Variants in NHSL1 observed in about 807,000 individuals in gnomAD.
NHSL1 encodes the protein NHS like 1, also known as NHS-like protein 1.
NHSL1 carries 48 observed loss-of-function variants against 95.0 expected under a neutral mutation model. That is an observed-to-expected ratio of 0.51 (90% CI 0.40 to 0.64). NHSL1 has a LOEUF of 0.64. Ranked by LOEUF, NHSL1 falls within the 30% of genes least tolerant of loss-of-function variation. The probability of loss-of-function intolerance (pLI) is 0.00; values close to 1 mark genes in which losing one functional copy is unlikely to be tolerated. For missense variants in NHSL1, 1,971 were observed against 2,077.7 expected (o/e 0.95, Z 1.00); for synonymous variants, 783 against 833.9 (o/e 0.94, Z 1.05).
At chr6:138,489,911 G>A (rs1266697319) in intron 2 of NHSL1, among the ~76,000 whole-genome samples, 87 of 55,692 alleles carry the variant, frequency 1.6e-3, no homozygotes, top group African/African-American at 6.1e-3. Flanking sequence ...AGAGCGAGAG[G>A]GGGAGAGGGG....
chr6:138,657,954 ATATTTCT>A (rs1409525308), intron 1 of NHSL1, among the ~76,000 whole-genome samples: 1 of 151,694 alleles, frequency 6.6e-6, no homozygotes, highest in African/African-American at 2.4e-5. Context: ...AAAACTGAAC[ATATTTCT>A]TAGTTTACGA....
intron 1 of NHSL1, among the ~76,000 whole-genome samples, chr6:138,659,274 T>C (rs1396396054): frequency 6.6e-6 from 1 of 152,040 alleles, no homozygotes; most frequent in Non-Finnish European, 1.5e-5. Context: ...GGTCTCGAAC[T>C]CCTGACCTCA....
chr6:138,569,892 C>A (rs75023484), intron 1 of NHSL1, among the ~76,000 whole-genome samples: 11,558 of 150,982 alleles, frequency 0.077, 1,444 homozygotes, highest in African/African-American at 0.27. Flanking sequence ...AAAAAAAAAA[C>A]ACATAAACTT....
intron 1 of NHSL1, among the ~76,000 whole-genome samples, chr6:138,498,272 A>T (rs759588642): frequency 6.6e-6 from 1 of 152,174 alleles, no homozygotes; most frequent in African/African-American, 2.4e-5. Context: ...AATCCAAGTA[A>T]TGGCATTCGT....
intron 2 of NHSL1, among the ~76,000 whole-genome samples, chr6:138,477,317 G>A (rs796474739): frequency 7.2e-5 from 11 of 152,320 alleles, no homozygotes; most frequent in African/African-American, 2.4e-4. Flanking sequence ...TTAAATTATA[G>A]GGTAGGGCAT....
chr6:138,681,911 T>A (rs1450193184), intron 1 of NHSL1, among the ~76,000 whole-genome samples: 1 of 152,014 alleles, frequency 6.6e-6, no homozygotes, highest in Non-Finnish European at 1.5e-5. Flanking sequence ...GGAAGTAAAG[T>A]ATAACAAAGG....
rs575415613 is a variant in NHSL1, at chr6:138,609,352, C to T, written c.96+83124G>A. 2.1e-4 allele frequency among the ~76,000 whole-genome samples: 32 copies of T among 152,256 alleles called. No homozygotes were observed. In the South Asian group the frequency reaches 6.6e-3, roughly 32 times the overall value. ...CTGCTTGGGAAAGCTGGCAATGCAC[C>T]GCTGGGGCTCACGCACAGCCCAAGA... is the stretch of plus-strand genomic sequence containing the variant. On this transcript the variant is annotated intron_variant, in intron 1 of 3. Coordinates refer to the NHSL1 transcript ENST00000491526.
chr6:138,464,138 T>A, intron 3 of NHSL1: 1 of 567,040 alleles, frequency 1.8e-6, no homozygotes. Context: ...GTCCTCGATC[T>A]CACTCCGTTG....
chr6:138,460,151 G>C (rs940277929), intron 3 of NHSL1, among the ~76,000 whole-genome samples: 15 of 152,110 alleles, frequency 9.9e-5, no homozygotes, highest in Non-Finnish European at 5.9e-5. Context: ...TTTGGTAGAA[G>C]ACCGCCCCCA....
intron 1 of NHSL1, among the ~76,000 whole-genome samples, chr6:138,510,457 T>C (rs1781167555): frequency 6.6e-6 from 1 of 152,232 alleles, no homozygotes; most frequent in African/African-American, 2.4e-5. Flanking sequence ...TGATTAGTGT[T>C]GGATCTTTTC....
intron 3 of NHSL1, among the ~76,000 whole-genome samples, chr6:138,449,052 CAAAAAAAAAA>C (rs545496586): frequency 2.3e-5 from 2 of 88,440 alleles, no homozygotes; most frequent in African/African-American, 3.7e-5. Flanking sequence ...AATTCTGTCT[CAAAAAAAAAA>C]AAAAAAAAAA....
chr6:138,485,675 C>A (rs955897665), intron 2 of NHSL1, among the ~76,000 whole-genome samples: 1 of 152,100 alleles, frequency 6.6e-6, no homozygotes, highest in African/African-American at 2.4e-5. Context: ...TAAATAGCCC[C>A]TTTTTGTATA....
intron 1 of NHSL1, among the ~76,000 whole-genome samples, chr6:138,511,001 G>T (rs1329171509): frequency 6.6e-6 from 1 of 152,138 alleles, no homozygotes; most frequent in African/African-American, 2.4e-5. Context: ...GGGAAGGAAG[G>T]TGCATTGATT....
chr6:138,566,112 T>C (rs1783605011), intron 1 of NHSL1, among the ~76,000 whole-genome samples: 1 of 152,098 alleles, frequency 6.6e-6, no homozygotes, highest in African/African-American at 2.4e-5. Context: ...AAAAACAAAC[T>C]GTTGGCCAGG....
intron 1 of NHSL1, among the ~76,000 whole-genome samples, chr6:138,673,249 A>G (rs547713943): frequency 8.6e-5 from 13 of 151,916 alleles, no homozygotes; most frequent in East Asian, 3.9e-4. Flanking sequence ...TATATTTTCA[A>G]TGAGAAAGTC....
At chr6:138,648,923 C>G (rs1785053606) in intron 1 of NHSL1, among the ~76,000 whole-genome samples, 1 of 152,004 alleles carries the variant, frequency 6.6e-6, no homozygotes, top group Non-Finnish European at 1.5e-5. Context: ...TATAAAATAG[C>G]ATATCTGAAC....
chr6:138,517,442 G>T (rs752894557), intron 1 of NHSL1, among the ~76,000 whole-genome samples: 3 of 152,104 alleles, frequency 2.0e-5, no homozygotes, highest in Non-Finnish European at 4.4e-5. Flanking sequence ...CCCAATTTTA[G>T]TTATATACAG....
chr6:138,515,769 C>T (rs1213695409), intron 1 of NHSL1, among the ~76,000 whole-genome samples: 1 of 152,208 alleles, frequency 6.6e-6, no homozygotes. Flanking sequence ...TCGGGGAAAA[C>T]TTGACGTAGC....
chr6:138,624,906 G>C (rs765487847), intron 1 of NHSL1, among the ~76,000 whole-genome samples: 3 of 152,076 alleles, frequency 2.0e-5, no homozygotes, highest in African/African-American at 2.4e-5. Flanking sequence ...TTTTCCTGAA[G>C]TTCTTTGCAA....
Sources: gnomAD v4.1 joint callset for allele counts (sites outside exome capture counted in the v4.1 genomes callset) on GRCh38, gnomAD v4.1.1 for gene constraint, MANE v1.5 for transcripts, NCBI Gene and HGNC (gene_info 2026-07-23, HGNC 2026-07-21) for gene names.